Variants in PRORP observed in about 807,000 individuals in gnomAD.
PRORP encodes the protein protein only RNase P catalytic subunit, also known as mitochondrial ribonuclease P catalytic subunit.
A neutral mutation model predicts 59.4 loss-of-function variants in PRORP; 51 were observed. The observed-to-expected ratio is 0.86, with a 90% CI of 0.69 to 1.08. The LOEUF (loss-of-function observed/expected upper bound fraction) is 1.08, where lower values mean the gene tolerates loss of function less well. Ranked by LOEUF, PRORP falls within the 50% of genes least tolerant of loss-of-function variation. PRORP has a pLI of 0.00. For synonymous variants in PRORP, 231 were observed against 245.6 expected (o/e 0.94, Z 0.55); for missense variants, 646 against 690.3 (o/e 0.94, Z 0.72).
intron 5 of PRORP, among the ~76,000 whole-genome samples, chr14:35,221,152 G>A (rs891276668): frequency 6.6e-6 from 1 of 152,198 alleles, no homozygotes; most frequent in South Asian, 2.1e-4. Flanking sequence ...AGGGGAGAAC[G>A]CAAGGTGGTT....
At chr14:35,172,742 A>G (rs934578628) in intron 4 of PRORP, among the ~76,000 whole-genome samples, 1 of 151,136 alleles carries the variant, frequency 6.6e-6, no homozygotes, top group Non-Finnish European at 1.5e-5. Flanking sequence ...TAATTTTTTT[A>G]TTTTTAGTAG....
chr14:35,231,804 G>T (rs1402271963), intron 5 of PRORP, among the ~76,000 whole-genome samples: 1 of 152,126 alleles, frequency 6.6e-6, no homozygotes, highest in Non-Finnish European at 1.5e-5. Flanking sequence ...TGATGTTGAG[G>T]GTTGTAAAGT....
chr14:35,243,592 G>T (rs1032755739), intron 5 of PRORP, among the ~76,000 whole-genome samples: 2 of 152,016 alleles, frequency 1.3e-5, no homozygotes, highest in Non-Finnish European at 2.9e-5. Context: ...AAAAAGAAAG[G>T]AGTTAAAATT....
At chr14:35,180,554 T>TGTGTGTGTGTGTGTGTGTG in intron 4 of PRORP, 116 bp from the exon 5 acceptor site, 2 of 512,260 alleles carry the variant, frequency 3.9e-6, no homozygotes, top group Non-Finnish European at 3.5e-6. Flanking sequence ...GTGTGTGTAT[T>TGTGTGTGTGTGTGTGTGTG]TTTAAGGGAT....
intron 4 of PRORP, among the ~76,000 whole-genome samples, chr14:35,177,290 A>G (rs1056452594): frequency 5.3e-5 from 8 of 151,870 alleles, no homozygotes; most frequent in Admixed American, 3.9e-4. Flanking sequence ...CTCTTTTTCT[A>G]TTGATTGGAA....
At chr14:35,273,350 A>G (rs2051243877) in intron 7 of PRORP, 85 bp from the exon 8 acceptor site, 1 of 1,353,974 alleles carries the variant, frequency 7.4e-7, no homozygotes, top group African/African-American at 1.5e-5. Context: ...CTTCTGGAGC[A>G]AACTTGAGAA....
chr14:35,151,896 C>T (rs1355831562), intron 4 of PRORP, among the ~76,000 whole-genome samples: 2 of 148,208 alleles, frequency 1.3e-5, no homozygotes, highest in Non-Finnish European at 3.0e-5. Flanking sequence ...TATCAGTTAT[C>T]TCTAATTTTT....
rs145937295 is a variant in PRORP, at chr14:35,154,687, A to G, written c.1168-25983A>G. ...CTGCAAGACAACCCAGTTTCTTCCA[A>G]TAAATGAATTGCCAAAAAAAAAAAA... is the stretch of plus-strand genomic sequence containing the variant. On this transcript the variant is annotated intron_variant, in intron 4 of 7. Transcript: ENST00000534898. Among the ~76,000 whole-genome samples, 412 of 138,716 alleles carry G rather than the reference A, an allele frequency of 3.0e-3. 2 individuals carry two copies. The highest frequency in any genetic ancestry group is 0.011 in the African/African-American group (404 of 35,892). 91.0% of individuals were successfully genotyped at this position (138,716 alleles called of 152,430 possible).
intron 4 of PRORP, among the ~76,000 whole-genome samples, chr14:35,152,049 C>A (rs901434552): frequency 6.6e-6 from 1 of 151,000 alleles, no homozygotes; most frequent in African/African-American, 2.4e-5. Flanking sequence ...GAACAAAGGT[C>A]TCCGGTTTTC....
intron 5 of PRORP, among the ~76,000 whole-genome samples, chr14:35,215,508 G>A (rs2049564375): frequency 6.6e-6 from 1 of 152,060 alleles, no homozygotes. Flanking sequence ...GTCAGATGTG[G>A]TGGCTCCCAG....
intron 4 of PRORP, among the ~76,000 whole-genome samples, chr14:35,149,028 C>T (rs2047678656): frequency 6.8e-6 from 1 of 146,774 alleles, no homozygotes; most frequent in African/African-American, 2.5e-5. Flanking sequence ...ACGCCATTCT[C>T]CTGCCTCAGC....
rs370858692 is a variant in PRORP, at chr14:35,254,939, A to G, written c.1276-11788A>G. ...GCTGCTCCTGTTCTTGGAAATTCCC[A>G]TTCCTTGCCGGGCTAGTTCATCTGA... On this transcript the variant is annotated intron_variant, in intron 5 of 7. Coordinates refer to ENST00000534898, the MANE Select transcript of PRORP (RefSeq NM_014672.4). Among the ~76,000 whole-genome samples, 467 of 151,928 alleles carry G rather than the reference A, an allele frequency of 3.1e-3. 1 individual carries two copies. Among genetic ancestry groups the G allele is most frequent in the African/African-American group, 0.011 (443 of 41,434 alleles).
chr14:35,174,338 T>C (rs141160349), intron 4 of PRORP, among the ~76,000 whole-genome samples: 1 of 152,264 alleles, frequency 6.6e-6, no homozygotes, highest in Non-Finnish European at 1.5e-5. Context: ...TACAAACTAT[T>C]CCATCATTAC....
intron 4 of PRORP, among the ~76,000 whole-genome samples, chr14:35,145,110 A>G (rs1349830440): frequency 1.4e-5 from 2 of 144,796 alleles, no homozygotes. Context: ...AGCTAAGACT[A>G]CAGGCACACA....
intron 4 of PRORP, among the ~76,000 whole-genome samples, chr14:35,165,722 C>A (rs917553044): frequency 9.2e-5 from 14 of 151,912 alleles, no homozygotes; most frequent in African/African-American, 3.4e-4. Flanking sequence ...CTCTGTTGCC[C>A]AGGCTGGAGT....
At chr14:35,159,336 A>G (rs889124604) in intron 4 of PRORP, among the ~76,000 whole-genome samples, 3 of 152,076 alleles carry the variant, frequency 2.0e-5, no homozygotes, top group Admixed American at 6.6e-5. Context: ...CATCTAAAAT[A>G]TACTTCTACC....
chr14:35,166,161 C>T (rs1389979271), intron 4 of PRORP, among the ~76,000 whole-genome samples: 1 of 152,090 alleles, frequency 6.6e-6, no homozygotes. Context: ...TTCTTTTCTT[C>T]TGCACTGAAG....
intron 5 of PRORP, among the ~76,000 whole-genome samples, chr14:35,208,128 C>T (rs61989544): frequency 0.16 from 24,073 of 147,986 alleles, 2,250 homozygotes; most frequent in Middle Eastern, 0.24. Context: ...CCAGCCTGGG[C>T]AAAAGAGCAA....
intron 5 of PRORP, among the ~76,000 whole-genome samples, chr14:35,190,537 G>T (rs1393360896): frequency 6.6e-6 from 1 of 151,522 alleles, no homozygotes; most frequent in Non-Finnish European, 1.5e-5. Flanking sequence ...ATGGAGTCTT[G>T]CTCTGTCACC....
Sources: gnomAD v4.1 joint callset for allele counts (sites outside exome capture counted in the v4.1 genomes callset) on GRCh38, gnomAD v4.1.1 for gene constraint, MANE v1.5 for transcripts, NCBI Gene and HGNC (gene_info 2026-07-23, HGNC 2026-07-21) for gene names.